Variants in NRXN3 observed in about 807,000 individuals in gnomAD.
The protein encoded by NRXN3 is neurexin 3, also known as neurexin III.
Under a neutral mutation model 137.6 loss-of-function variants are expected in NRXN3, and 32 were observed. The observed-to-expected ratio is 0.23, with a 90% CI of 0.18 to 0.31. NRXN3 has a LOEUF of 0.31. Among genes scored for constraint, NRXN3 ranks in the 10% least tolerant of loss-of-function variants. NRXN3 has a pLI of 1.00. For synonymous variants in NRXN3, 798 were observed against 784.5 expected (o/e 1.02, Z -0.29); for missense variants, 1,574 against 2,062.5 (o/e 0.76, Z 4.59).
At chr14:79,041,261 G>T (rs1166439456) in intron 15 of NRXN3, among the ~76,000 whole-genome samples, 2 of 152,276 alleles carry the variant, frequency 1.3e-5, no homozygotes, top group East Asian at 3.9e-4. Context: ...CCATAGTTCA[G>T]AAATTTTTGT....
At chr14:78,648,596 A>G (rs1031231673) in intron 5 of NRXN3, among the ~76,000 whole-genome samples, 4 of 152,200 alleles carry the variant, frequency 2.6e-5, no homozygotes, top group Non-Finnish European at 5.9e-5. Context: ...CACATCCACA[A>G]AAATGAAATA....
chr14:79,562,652 G>A (rs1194501475), intron 16 of NRXN3, among the ~76,000 whole-genome samples: 1 of 152,156 alleles, frequency 6.6e-6, no homozygotes, highest in Non-Finnish European at 1.5e-5. Context: ...TGATTTCCAT[G>A]TAAATATCAT....
chr14:79,375,105 C>T (rs145320072), intron 15 of NRXN3, among the ~76,000 whole-genome samples: 14 of 152,206 alleles, frequency 9.2e-5, no homozygotes, highest in East Asian at 3.9e-4. Context: ...TTTACCTTTA[C>T]GGAGGTCCAG....
At chr14:79,801,031 G>A (rs2099177725) in intron 19 of NRXN3, among the ~76,000 whole-genome samples, 1 of 152,196 alleles carries the variant, frequency 6.6e-6, no homozygotes, top group Non-Finnish European at 1.5e-5. Flanking sequence ...AGTGTTCTGT[G>A]GCAGGTGTGG....
chr14:79,516,697 CAAAGG>C (rs1264583838), intron 16 of NRXN3, among the ~76,000 whole-genome samples: 1 of 152,120 alleles, frequency 6.6e-6, no homozygotes, highest in African/African-American at 2.4e-5. Flanking sequence ...TATGTACAAG[CAAAGG>C]AAAGTGTATA....
chr14:78,491,787 G>A (rs539694760), intron 4 of NRXN3, among the ~76,000 whole-genome samples: 2 of 152,256 alleles, frequency 1.3e-5, no homozygotes, highest in Non-Finnish European at 2.9e-5. Context: ...TCAAAAGGTA[G>A]CATCTATGAA....
rs142223897 is a variant in NRXN3 at position 78,236,823 on chromosome 14, T to C, written c.-703-5568T>C. On this transcript the variant is annotated intron_variant, in intron 1 of 20. Coordinates refer to ENST00000335750, the MANE Select transcript of NRXN3 (RefSeq NM_001330195.2). ...GAGAGTCTGGGTTTAAATTCAGCTG[T>C]GCCTGCCTCCAAAGCCCATGTTCTC... Among the ~76,000 whole-genome samples the C allele has an allele frequency of 1.3e-3, 191 of 149,220 alleles. 1 individual carries two copies. Among genetic ancestry groups the C allele is most frequent in the South Asian group, 7.9e-3 (36 of 4,566 alleles).
chr14:78,390,419 G>A (rs1400802759), intron 4 of NRXN3, among the ~76,000 whole-genome samples: 5 of 152,146 alleles, frequency 3.3e-5, no homozygotes, highest in Admixed American at 6.6e-5. Flanking sequence ...ATTTAGACTA[G>A]GAATTCAAGT....
chr14:78,452,933 G>A (rs1282408645), intron 4 of NRXN3, among the ~76,000 whole-genome samples: 1 of 152,200 alleles, frequency 6.6e-6, no homozygotes, highest in Admixed American at 6.5e-5. Context: ...CATAAAATAT[G>A]TTAATTAACC....
rs901719112 is a variant in NRXN3 at position 79,699,493 on chromosome 14, A to T, written c.4014+1556A>T. 3.9e-5 allele frequency among the ~76,000 whole-genome samples: 6 copies of T among 151,950 alleles called. No individual in the cohort carries two copies. The East Asian group carries it at 1.2e-3, about 30-fold the overall frequency. On this transcript the variant is annotated intron_variant, in intron 19 of 20. Coordinates refer to ENST00000335750, the MANE Select transcript of NRXN3 (RefSeq NM_001330195.2). ...TAAGGCCAAATTTTCACTGACCTTG[A>T]GATGATTTAATGTTACACGGGGATT...
intron 10 of NRXN3, among the ~76,000 whole-genome samples, chr14:78,940,952 A>G (rs2099351757): frequency 6.6e-6 from 1 of 152,210 alleles, no homozygotes; most frequent in Non-Finnish European, 1.5e-5. Flanking sequence ...CAGTAGGAGC[A>G]TATGTAGCCT....
chr14:78,514,410 G>T (rs2096168975), intron 4 of NRXN3, among the ~76,000 whole-genome samples: 1 of 152,090 alleles, frequency 6.6e-6, no homozygotes, highest in Non-Finnish European at 1.5e-5. Flanking sequence ...GCATAAATAT[G>T]CAAGGAGTCT....
At chr14:79,276,195 T>C (rs2080253575) in intron 15 of NRXN3, among the ~76,000 whole-genome samples, 1 of 152,146 alleles carries the variant, frequency 6.6e-6, no homozygotes, top group South Asian at 2.1e-4. Flanking sequence ...ATGTATTTAA[T>C]GTGTTAGACT....
At chr14:79,317,093 G>A (rs1055946137) in intron 15 of NRXN3, among the ~76,000 whole-genome samples, 8 of 151,962 alleles carry the variant, frequency 5.3e-5, no homozygotes, top group African/African-American at 7.3e-5. Context: ...TTAGCTGGGC[G>A]TGGTGGTGGG....
chr14:78,356,301 C>G (rs937256646), intron 4 of NRXN3, among the ~76,000 whole-genome samples: 1 of 152,048 alleles, frequency 6.6e-6, no homozygotes, highest in Non-Finnish European at 1.5e-5. Context: ...GACAACTAGT[C>G]CAGCTTGCCC....
chr14:79,130,444 G>A (rs1291214318), intron 15 of NRXN3, among the ~76,000 whole-genome samples: 1 of 151,720 alleles, frequency 6.6e-6, no homozygotes, highest in African/African-American at 2.4e-5. Flanking sequence ...ATGAAGCTTA[G>A]TTTGGCTGGA....
intron 10 of NRXN3, among the ~76,000 whole-genome samples, chr14:78,924,052 C>T (rs1245290161): frequency 3.3e-5 from 5 of 152,084 alleles, no homozygotes; most frequent in African/African-American, 1.2e-4. Context: ...GAGTTCGAGA[C>T]CAGCCTGACC....
chr14:79,713,122 A>G (rs1169013635), intron 19 of NRXN3, among the ~76,000 whole-genome samples: 2 of 149,746 alleles, frequency 1.3e-5, no homozygotes, highest in African/African-American at 2.5e-5. Flanking sequence ...AGCTGTTGAC[A>G]TCACAGTTTG....
chr14:78,291,425 A>G (rs952500846), intron 3 of NRXN3, among the ~76,000 whole-genome samples: 1 of 152,238 alleles, frequency 6.6e-6, no homozygotes, highest in Non-Finnish European at 1.5e-5. Flanking sequence ...CCGTCTCTTT[A>G]GTGCTTAAAA....
Sources: allele counts gnomAD v4.1 joint callset (sites outside exome capture counted in the v4.1 genomes callset), GRCh38; gene constraint gnomAD v4.1.1; transcripts MANE v1.5; gene names NCBI Gene and HGNC (gene_info 2026-07-23, HGNC 2026-07-21).